The following ZNF135 variants were observed in gnomAD, a reference collection of about 807,000 sequenced individuals.
ZNF135 encodes zinc finger protein 135 (clone pHZ-17).
In ZNF135, 11 loss-of-function variants were observed where a neutral mutation model predicts 12.3. The ratio of observed to expected loss-of-function variants is 0.89; its 90% CI spans 0.56 to 1.48. The LOEUF is 1.48. ZNF135 is among the 40% of genes most tolerant of loss of function. ZNF135 has a pLI of 0.00. For synonymous variants in ZNF135, 316 were observed against 312.0 expected, an observed-to-expected ratio of 1.01 and a Z score of -0.14; for missense variants, 722 against 815.7, an observed-to-expected ratio of 0.89 and a Z score of 1.40.
At position 58,062,446 on chromosome 19, in the gene ZNF135, G is replaced by A. The variant is rs760148651; in HGVS notation, c.160+740G>A. ...CACCCGGGCTGGAGTGCAGTGGTGC[G>A]ATCTCGGCTCACTGCAAGCTCTGCC... On this transcript the variant is annotated intron_variant, in intron 3 of 4. Coordinates refer to ENST00000313434, the MANE Select transcript of ZNF135 (RefSeq NM_001289401.2). Among the ~76,000 whole-genome samples, 34 of 151,948 alleles carry A rather than the reference G, an allele frequency of 2.2e-4. 1 individual carries two copies. The highest frequency in any genetic ancestry group is 1.5e-5 in the Non-Finnish European group (1 of 67,994).
intron 2 of ZNF135, among the ~76,000 whole-genome samples, chr19:58,061,018 C>G (rs1330007646): frequency 6.6e-6 from 1 of 151,854 alleles, no homozygotes; most frequent in Admixed American, 6.6e-5. Context: ...GTCCCAGCTA[C>G]TCGAGAGGCT....
At position 58,059,905 on chromosome 19, in the gene ZNF135, C is replaced by T; in HGVS notation, c.-34-64C>T. 5 of 1,588,416 alleles carry T rather than the reference C, an allele frequency of 3.1e-6. No individual in the cohort carries two copies. Among genetic ancestry groups the T allele is most frequent in the Non-Finnish European group, 4.3e-6 (5 of 1,166,240 alleles). On this transcript the variant is annotated intron_variant, in intron 1 of 4. Coordinates refer to ENST00000313434, the MANE Select transcript of ZNF135 (RefSeq NM_001289401.2). This position sits in a 1 kb window ranked among gnomAD's most constrained non-coding sequence, Gnocchi z 6.5. Reference sequence around the variant, plus strand: ...AGCTCCCCAGGCTCTGGCGCAGTTCCCCGGCTTGGGGACCTGAGCACCGCC... The same window carrying T: ...AGCTCCCCAGGCTCTGGCGCAGTTCTCCGGCTTGGGGACCTGAGCACCGCC...
At position 58,059,608 on chromosome 19, in the gene ZNF135, C is replaced by T; in HGVS notation, c.-35+298C>T. On this transcript the variant is annotated intron_variant, in intron 1 of 4. Coordinates refer to ENST00000313434, the MANE Select transcript of ZNF135 (RefSeq NM_001289401.2). This position sits in a 1 kb window ranked among gnomAD's most constrained non-coding sequence, Gnocchi z 6.5. ...GCCCCGCCCCTGGCCCCACCTCTGC[C>T]CCACACCGGGCACTGGGCCGCCACC... 2 of 523,358 alleles carry T rather than the reference C, an allele frequency of 3.8e-6. No homozygotes were observed. Among genetic ancestry groups the T allele is most frequent in the Non-Finnish European group, 6.7e-6 (2 of 299,346 alleles). The allele number at this position is 523,358 out of a possible 1,614,324, so 32.4% of individuals were successfully genotyped here. A position where few individuals can be genotyped will look rare whatever the true frequency, so the allele number is the denominator to read the frequency against.
In ZNF135 at chr19:58,067,365, G is replaced by A; in HGVS notation, c.881G>A (p.Gly294Asp). 1.2e-6 allele frequency: 2 copies of A among 1,614,154 alleles called. No homozygotes were observed. The highest frequency in any genetic ancestry group is 1.7e-6 in the Non-Finnish European group (2 of 1,180,008). The change falls in exon 5 of 5, where the codon GGT (glycine) becomes GAT (aspartate). Residue 294 changes from glycine (G) to aspartate (D), a missense_variant. Transcript: ENST00000313434. Reference protein sequence around the residue: ...PLIQHQRTHTGEKPYECSECG... With the variant: ...PLIQHQRTHTDEKPYECSECG... ...ATCCAGCACCAGAGAACTCACACAGGTGAGAAGCCCTATGAATGCAGCGAA... is the reference window on the plus strand; with the variant it reads ...ATCCAGCACCAGAGAACTCACACAGATGAGAAGCCCTATGAATGCAGCGAA...
At position 58,066,917 on chromosome 19, in the gene ZNF135, G is replaced by C. The variant is rs1568615227; in HGVS notation, c.433G>C (p.Val145Leu). 2.5e-6 allele frequency: 4 copies of C among 1,614,212 alleles called. No homozygotes were observed. The highest frequency in any genetic ancestry group is 2.5e-6 in the Non-Finnish European group (3 of 1,180,036). Residue 145 changes from valine to leucine, a missense_variant, in exon 5 of 5, where the codon GTG becomes CTG. Val to Leu is a conservative substitution (Grantham distance 32, BLOSUM62 1). Transcript: ENST00000313434. ...WSCESLESLAVPVAFTPVKTP... is the reference protein window; with the variant it reads ...WSCESLESLALPVAFTPVKTP... ...TTGTGAGAGTCTAGAGAGCCTGGCA[G>C]TGCCGGTGGCCTTCACGCCTGTGAA...
In ZNF135 at chr19:58,065,503, C is replaced by T. The variant is rs996724022; in HGVS notation, c.257-1238C>T. 4.6e-5 allele frequency among the ~76,000 whole-genome samples: 7 copies of T among 152,246 alleles called. No homozygotes were observed. The highest frequency in any genetic ancestry group is 2.1e-4 in the South Asian group (1 of 4,820). ...GAGGCCCTGTGCCTGGCTAAGAATC[C>T]GTTTCTTTGCATTTTTCAGCTTCTA... On this transcript the variant is annotated intron_variant, in intron 4 of 4. Coordinates refer to ENST00000313434, the MANE Select transcript of ZNF135 (RefSeq NM_001289401.2). This position sits in a 1 kb window ranked among gnomAD's most constrained non-coding sequence, Gnocchi z 4.0.
chr19:58,064,716 C>CA (rs202061519), intron 4 of ZNF135, among the ~76,000 whole-genome samples: 53,404 of 130,334 alleles, frequency 0.41, 9,881 homozygotes, highest in Admixed American at 0.47. Context: ...CCCGTCTCTA[C>CA]AAAAAAAAAA....
chr19:58,060,082 C>T lies in ZNF135; in HGVS notation c.33+47C>T, dbSNP rs373290639. 5.6e-6 allele frequency: 9 copies of T among 1,610,808 alleles called. No homozygotes were observed. The highest frequency in any genetic ancestry group is 7.6e-6 in the Non-Finnish European group (9 of 1,179,652). ...CGCGTGTCCTCCACCTCGTGCCCGG[C>T]CTCCTCGCGCGCGGCCTTCTCACGC... On this transcript the variant is annotated intron_variant, in intron 2 of 4. Transcript: ENST00000313434. This position sits in a 1 kb window ranked among gnomAD's most constrained non-coding sequence, Gnocchi z 4.9.
Position 58,063,493 on chromosome 19 carries a change from G to A in ZNF135, c.208G>A (p.Ala70Thr), listed in dbSNP as rs778065252. 1.2e-6 allele frequency: 2 copies of A among 1,614,158 alleles called. No individual in the cohort carries two copies. Among genetic ancestry groups the A allele is most frequent in the Admixed American group, 3.3e-5 (2 of 60,026 alleles). Reference sequence around the variant, plus strand: ...TGTCATCTCCCTGCTGGAGCAAGAGGCAGAGCTGTGGGCGGTGGAGTCTAG... The same window carrying A: ...TGTCATCTCCCTGCTGGAGCAAGAGACAGAGCTGTGGGCGGTGGAGTCTAG... ...PNVISLLEQE[A>T]ELWAVESRLP... The change falls in exon 4 of 5, where the codon GCA becomes ACA. Residue 70 changes from alanine (A) to threonine (T), a missense_variant. Ala to Thr is a moderately conservative substitution (Grantham distance 58, BLOSUM62 0). Coordinates refer to ENST00000313434, the MANE Select transcript of ZNF135 (RefSeq NM_001289401.2). The surrounding 1 kb of genome is among the most constrained non-coding windows in gnomAD (Gnocchi z 4.4).
chr19:58,068,165 C>T lies in ZNF135; in HGVS notation c.1681C>T (p.Gln561Ter), dbSNP rs754735230. The T allele has an allele frequency of 9.3e-6, 15 of 1,613,912 alleles. No homozygotes were observed. Among genetic ancestry groups the T allele is most frequent in the Non-Finnish European group, 1.1e-5 (13 of 1,180,016 alleles). The change falls in exon 5 of 5, where the codon CAG becomes TAG. Residue 561 changes from glutamine to a stop codon, truncating the protein, a stop_gained. Coordinates refer to ENST00000313434, the MANE Select transcript of ZNF135 (RefSeq NM_001289401.2). LOFTEE classifies it low-confidence loss of function (END_TRUNC). ...TAACCAGTGTGGCAGAGCCTTCAGC[C>T]AGAGCTCCCTTCTCATCGAACACCA... ...ECNQCGRAFS[Q>*]SSLLIEHQRI...
At position 58,060,578 on chromosome 19, in the gene ZNF135, T is replaced by A. The variant is rs1352499716; in HGVS notation, c.33+543T>A. ...TCGAGTGCCGCTTCCTCAGACGTCA[T>A]GGAGGCCAAGGGGGCGGAACTCGCC... On this transcript the variant is annotated intron_variant, in intron 2 of 4. Transcript: ENST00000313434. This position sits in a 1 kb window ranked among gnomAD's most constrained non-coding sequence, Gnocchi z 4.9. 2.6e-5 allele frequency among the ~76,000 whole-genome samples: 4 copies of A among 152,202 alleles called. No individual in the cohort carries two copies. Among genetic ancestry groups the A allele is most frequent in the Non-Finnish European group, 4.4e-5 (3 of 68,034 alleles).
rs1406693044 is a variant in ZNF135, at chr19:58,059,366, G to A, written c.-35+56G>A. The A allele has an allele frequency of 1.1e-6, 1 of 876,670 alleles. No individual in the cohort carries two copies. The highest frequency in any genetic ancestry group is 1.6e-6 in the Non-Finnish European group (1 of 608,506). 54.3% of individuals were successfully genotyped at this position (876,670 alleles called of 1,614,324 possible). On this transcript the variant is annotated intron_variant, in intron 1 of 4. Transcript: ENST00000313434. The surrounding 1 kb of genome is among the most constrained non-coding windows in gnomAD (Gnocchi z 6.5). Reference sequence around the variant, plus strand: ...AGGCCAGGCCGGGCCGGGCCGGGCCGGGTGCGGGGGGTCCGGGGATCTTCC... The same window carrying A: ...AGGCCAGGCCGGGCCGGGCCGGGCCAGGTGCGGGGGGTCCGGGGATCTTCC...
At position 58,060,404 on chromosome 19, in the gene ZNF135, C is replaced by T. The variant is rs1487132624; in HGVS notation, c.33+369C>T. The T allele has an allele frequency of 1.7e-6, 2 of 1,196,794 alleles. No homozygotes were observed. The highest frequency in any genetic ancestry group is 5.4e-5 in the East Asian group (1 of 18,396). The allele number at this position is 1,196,794 out of a possible 1,614,324, so 74.1% of individuals were successfully genotyped here. On this transcript the variant is annotated intron_variant, in intron 2 of 4. Coordinates refer to ENST00000313434, the MANE Select transcript of ZNF135 (RefSeq NM_001289401.2). The surrounding 1 kb of genome is among the most constrained non-coding windows in gnomAD (Gnocchi z 4.9). ...CCGCCCACGCCGCGCTGGAGGTCAG[C>T]GGGCACGGGTCCCTGTCTGAGTGGG...
At position 58,068,014 on chromosome 19, in the gene ZNF135, CA is replaced by C. The variant is rs1256907891; in HGVS notation, c.1533del (p.Lys511AsnfsTer158). Reference protein sequence around the residue: ...KAFSHSSSLTKHQRIHTGEKP... With the variant: ...KAFSHSSSLTXHQRIHTGEKP... ...CATTCAGTCACAGCTCGTCCCTCAC[CA>C]AACATCAGCGAATCCACACTGGGGA... On this transcript the variant is annotated frameshift_variant, in exon 5 of 5. Coordinates refer to ENST00000313434, the MANE Select transcript of ZNF135 (RefSeq NM_001289401.2). LOFTEE classifies it low-confidence loss of function (END_TRUNC). The C allele has an allele frequency of 6.2e-7, 1 of 1,613,884 alleles. No individual in the cohort carries two copies. The highest frequency in any genetic ancestry group is 1.3e-5 in the African/African-American group (1 of 74,860).
Position 58,059,615 on chromosome 19 carries a change from C to T in ZNF135, c.-35+305C>T. 1.9e-6 allele frequency: 1 copy of T among 518,052 alleles called. No individual in the cohort carries two copies. The highest frequency in any genetic ancestry group is 3.4e-6 in the Non-Finnish European group (1 of 296,086). 32.1% of individuals were successfully genotyped at this position (518,052 alleles called of 1,614,324 possible). On this transcript the variant is annotated intron_variant, in intron 1 of 4. Coordinates refer to ENST00000313434, the MANE Select transcript of ZNF135 (RefSeq NM_001289401.2). The surrounding 1 kb of genome is among the most constrained non-coding windows in gnomAD (Gnocchi z 6.5). ...CCCTGGCCCCACCTCTGCCCCACAC[C>T]GGGCACTGGGCCGCCACCTTTGTTG...
chr19:58,060,145 A>T lies in ZNF135; in HGVS notation c.33+110A>T. ...TTGCACCCCGTCCCTACTCGCGCTCAGCCTCCTCCTTGTGCCCGGCCCCTA... is the reference window on the plus strand; with the variant it reads ...TTGCACCCCGTCCCTACTCGCGCTCTGCCTCCTCCTTGTGCCCGGCCCCTA... On this transcript the variant is annotated intron_variant, in intron 2 of 4. Transcript: ENST00000313434. The surrounding 1 kb of genome is among the most constrained non-coding windows in gnomAD (Gnocchi z 4.9). 2 of 1,573,538 alleles carry T rather than the reference A, an allele frequency of 1.3e-6. No individual in the cohort carries two copies. The highest frequency in any genetic ancestry group is 1.7e-6 in the Non-Finnish European group (2 of 1,166,016).
At position 58,068,415 on chromosome 19, in the gene ZNF135, C is replaced by T; in HGVS notation, c.1931C>T (p.Thr644Ile). Residue 644 changes from threonine to isoleucine, a missense_variant, in exon 5 of 5, where the codon ACC (threonine) becomes ATC (isoleucine). By Grantham distance (89) the Thr-to-Ile change is moderately conservative (BLOSUM62 -1). Transcript: ENST00000313434. The part of the protein sequence containing the change: ...YACRDCGKAF[T>I]HSSSLTKHQR... ...TGCAGGGACTGTGGAAAGGCCTTTA[C>T]CCACAGCTCCTCCCTTACCAAGCAC... 2 of 1,614,084 alleles carry T rather than the reference C, an allele frequency of 1.2e-6. No individual in the cohort carries two copies. Among genetic ancestry groups the T allele is most frequent in the Non-Finnish European group, 8.5e-7 (1 of 1,179,984 alleles).
rs1319771270 is a variant in ZNF135, at chr19:58,060,981, T to C, written c.34-599T>C. ...CTCTACTAAAAATACAAAAAAAAAT[T>C]AGCCGGGGGGGTGGCGGGCGCCTGT... is the stretch of plus-strand genomic sequence containing the variant. On this transcript the variant is annotated intron_variant, in intron 2 of 4. Transcript: ENST00000313434. The surrounding 1 kb of genome is among the most constrained non-coding windows in gnomAD (Gnocchi z 4.9). Among the ~76,000 whole-genome samples the C allele has an allele frequency of 6.6e-6, 1 of 151,696 alleles. No individual in the cohort carries two copies. Among genetic ancestry groups the C allele is most frequent in the Non-Finnish European group, 1.5e-5 (1 of 67,912 alleles).
rs143808440 is a variant in ZNF135, at chr19:58,067,959, A to G, written c.1475A>G (p.Lys492Arg). 9.9e-6 allele frequency: 16 copies of G among 1,613,866 alleles called. No individual in the cohort carries two copies. The African/African-American group carries it at 1.9e-4, about 19-fold the overall frequency. The change falls in exon 5 of 5, where the codon AAG (lysine) becomes AGG (arginine). Residue 492 changes from lysine (K) to arginine (R), a missense_variant. Transcript: ENST00000313434. The part of the protein sequence containing the change: ...TQHQRIHTGE[K>R]PYECNDCGKA... ...CACCAGCGAATCCACACAGGGGAGA[A>G]GCCCTATGAATGCAATGACTGCGGC...
Sources: allele counts gnomAD v4.1 joint callset (sites outside exome capture counted in the v4.1 genomes callset), GRCh38; gene constraint gnomAD v4.1.1; non-coding constraint Gnocchi (gnomAD v3.1); transcripts MANE v1.5; gene names NCBI Gene and HGNC (gene_info 2026-07-23, HGNC 2026-07-21).